The following GFOD1 variants were observed in gnomAD, a reference collection of about 807,000 sequenced individuals.
GFOD1 encodes Gfo/Idh/MocA-like oxidoreductase domain containing 1.
GFOD1 carries 9 observed loss-of-function variants against 25.4 expected under a neutral mutation model. The observed-to-expected ratio is 0.35, with a 90% CI of 0.21 to 0.62. The LOEUF is 0.62. Among genes scored for constraint, GFOD1 ranks in the 20% least tolerant of loss-of-function variants. GFOD1 has a pLI of 0.72. For synonymous variants in GFOD1, 253 were observed against 245.6 expected, an observed-to-expected ratio of 1.03 and a Z score of -0.28; for missense variants, 403 against 556.9, an observed-to-expected ratio of 0.72 and a Z score of 2.78.
At chr6:13,458,957 C>G (rs1758242216) in intron 1 of GFOD1, among the ~76,000 whole-genome samples, 1 of 151,988 alleles carries the variant, frequency 6.6e-6, no homozygotes. Flanking sequence ...CAGAAAGGAT[C>G]CAGAGATTTT....
chr6:13,446,205 C>T (rs1757999442), intron 1 of GFOD1, among the ~76,000 whole-genome samples: 1 of 152,140 alleles, frequency 6.6e-6, no homozygotes, highest in Non-Finnish European at 1.5e-5. Context: ...GTGACAGGGA[C>T]AGGCTTTTGA....
intron 1 of GFOD1, among the ~76,000 whole-genome samples, chr6:13,409,169 A>AAG (rs201663825): frequency 0.6 from 31,769 of 53,342 alleles, 10,708 homozygotes; most frequent in East Asian, 0.77. Context: ...AAAGAAAGGA[A>AAG]AGAGAGAGAG....
intron 1 of GFOD1, among the ~76,000 whole-genome samples, chr6:13,419,812 G>A (rs1274443987): frequency 6.6e-6 from 1 of 152,114 alleles, no homozygotes; most frequent in Non-Finnish European, 1.5e-5. Flanking sequence ...AAATGTTCAT[G>A]TCTCCCTCCC....
rs1419822805 is a variant in GFOD1 at position 13,365,936 on chromosome 6, G to A, written c.254-274C>T. 6.7e-6 allele frequency among the ~76,000 whole-genome samples: 1 copy of A among 149,228 alleles called. No individual in the cohort carries two copies. The highest frequency in any genetic ancestry group is 1.5e-5 in the Non-Finnish European group (1 of 67,512). On this transcript the variant is annotated intron_variant, in intron 1 of 1. Transcript: ENST00000379287. This position sits in a 1 kb window ranked among gnomAD's most constrained non-coding sequence, Gnocchi z 9.2. ...TAATAATAATAATGAGCCGGGCGTG[G>A]TGGTGCACGCCTGTGGTCCCAGCTA... is the stretch of plus-strand genomic sequence containing the variant.
chr6:13,430,506 C>T lies in GFOD1; in HGVS notation c.253+56132G>A, dbSNP rs953616470. Among the ~76,000 whole-genome samples the T allele has an allele frequency of 2.0e-5, 3 of 151,932 alleles. No individual in the cohort carries two copies. The highest frequency in any genetic ancestry group is 2.1e-4 in the South Asian group (1 of 4,780). On this transcript the variant is annotated intron_variant, in intron 1 of 1. Transcript: ENST00000379287. This position sits in a 1 kb window ranked among gnomAD's most constrained non-coding sequence, Gnocchi z 4.1. ...CCAGCCATTGCACTGTGAAGGAACC[C>T]GAGCCACATAGGGTATGGCATCAAG...
chr6:13,453,090 T>C (rs1343507662), intron 1 of GFOD1, among the ~76,000 whole-genome samples: 1 of 152,226 alleles, frequency 6.6e-6, no homozygotes, highest in Non-Finnish European at 1.5e-5. Flanking sequence ...TTATAAGCAA[T>C]TGAGTTTGCA....
intron 1 of GFOD1, among the ~76,000 whole-genome samples, chr6:13,483,542 T>A (rs1386039536): frequency 6.6e-6 from 1 of 152,066 alleles, no homozygotes; most frequent in African/African-American, 2.4e-5. Flanking sequence ...GGCAGCAGTG[T>A]AGATAGTGGC....
chr6:13,470,542 G>A, intron 1 of GFOD1: 1 of 1,547,138 alleles, frequency 6.5e-7, no homozygotes, highest in South Asian at 1.2e-5. Flanking sequence ...GCTGGAGGGA[G>A]CAGAAGCTCA....
At chr6:13,400,539 G>A (rs752436087) in intron 1 of GFOD1, among the ~76,000 whole-genome samples, 34 of 152,208 alleles carry the variant, frequency 2.2e-4, no homozygotes, top group Non-Finnish European at 4.1e-4. Flanking sequence ...CCTCCGTTTC[G>A]AGTTTATCCT....
chr6:13,393,395 A>C (rs1403437529), intron 1 of GFOD1, among the ~76,000 whole-genome samples: 3 of 142,784 alleles, frequency 2.1e-5, no homozygotes, highest in Non-Finnish European at 3.1e-5. Flanking sequence ...AAAAAAAAGG[A>C]AAGAAGTAAG....
At chr6:13,445,140 C>A (rs190162183) in intron 1 of GFOD1, among the ~76,000 whole-genome samples, 1 of 152,150 alleles carries the variant, frequency 6.6e-6, no homozygotes, top group Non-Finnish European at 1.5e-5. Flanking sequence ...CAGCAGCCAG[C>A]CACAGGCGCC....
rs767814561 is a variant in GFOD1 at position 13,365,113 on chromosome 6, T to C, written c.803A>G (p.Gln268Arg). 11 of 1,612,846 alleles carry C rather than the reference T, an allele frequency of 6.8e-6. No homozygotes were observed. Among genetic ancestry groups the C allele is most frequent in the Non-Finnish European group, 9.3e-6 (11 of 1,179,742 alleles). ...LLAVGTDLYG[Q>R]RNSAPEQELL... ...CTCCTGCTCCGGGGCGCTGTTGCGC[T>C]GCCCGTACAGGTCGGTGCCCACGGC... Residue 268 changes from glutamine (Q) to arginine (R), a missense_variant, in exon 2 of 2, where the codon CAG (glutamine) becomes CGG (arginine). Coordinates refer to ENST00000379287, the MANE Select transcript of GFOD1 (RefSeq NM_018988.4). This position sits in a 1 kb window ranked among gnomAD's most constrained non-coding sequence, Gnocchi z 9.2.
rs1016690188 is a variant in GFOD1 at position 13,396,398 on chromosome 6, G to A, written c.254-30736C>T. Among the ~76,000 whole-genome samples the A allele has an allele frequency of 6.6e-5, 10 of 152,280 alleles. No homozygotes were observed. In the South Asian group the frequency reaches 1.2e-3, roughly 19 times the overall value. On this transcript the variant is annotated intron_variant, in intron 1 of 1. Coordinates refer to ENST00000379287, the MANE Select transcript of GFOD1 (RefSeq NM_018988.4). Reference sequence around the variant, plus strand: ...TTCCAGTGCACCTCTCAAAGTAAGCGCCACACTGAGTTACAGAGAGCTGTG... The same window carrying A: ...TTCCAGTGCACCTCTCAAAGTAAGCACCACACTGAGTTACAGAGAGCTGTG...
At chr6:13,398,372 G>A (rs1227005449) in intron 1 of GFOD1, among the ~76,000 whole-genome samples, 2 of 152,308 alleles carry the variant, frequency 1.3e-5, no homozygotes, top group African/African-American at 2.4e-5. Flanking sequence ...CCTCCGTTTC[G>A]AGTTTATCCT....
At chr6:13,429,007 G>C (rs1009067823) in intron 1 of GFOD1, among the ~76,000 whole-genome samples, 1 of 152,170 alleles carries the variant, frequency 6.6e-6, no homozygotes, top group African/African-American at 2.4e-5. Flanking sequence ...CTGAGCACGT[G>C]AGCCAGCTTG....
chr6:13,391,158 T>C (rs543323506), intron 1 of GFOD1, among the ~76,000 whole-genome samples: 3 of 152,294 alleles, frequency 2.0e-5, no homozygotes, highest in South Asian at 4.1e-4. Context: ...CAGTGGATGG[T>C]GAACATTCGA....
intron 1 of GFOD1, among the ~76,000 whole-genome samples, chr6:13,402,908 C>T (rs756595026): frequency 6.6e-6 from 1 of 152,090 alleles, no homozygotes; most frequent in Non-Finnish European, 1.5e-5. Context: ...TTCACCATAG[C>T]CAAAAGGTGG....
At chr6:13,448,123 C>T (rs1452428931) in intron 1 of GFOD1, among the ~76,000 whole-genome samples, 1 of 152,176 alleles carries the variant, frequency 6.6e-6, no homozygotes, top group Non-Finnish European at 1.5e-5. Flanking sequence ...AGGAGTGGAG[C>T]AAGCTGACGC....
intron 1 of GFOD1, among the ~76,000 whole-genome samples, chr6:13,400,061 A>AT (rs199701343): frequency 0.081 from 11,863 of 146,780 alleles, 616 homozygotes; most frequent in African/African-American, 0.15. Context: ...GGGGATTCTG[A>AT]TTTTTTTTTT....
Sources: gnomAD v4.1 joint callset for allele counts (sites outside exome capture counted in the v4.1 genomes callset) on GRCh38, gnomAD v4.1.1 for gene constraint, Gnocchi (gnomAD v3.1) non-coding constraint, MANE v1.5 for transcripts, NCBI Gene and HGNC (gene_info 2026-07-23, HGNC 2026-07-21) for gene names.